Variants in LPA observed in about 807,000 individuals in gnomAD.
LPA encodes apolipoprotein(a).
LPA carries 199 observed loss-of-function variants against 197.9 expected under a neutral mutation model. That is an observed-to-expected ratio of 1.01 (90% CI 0.90 to 1.13). The LOEUF is 1.13. Among genes scored for constraint, LPA ranks in the 50% most tolerant of loss-of-function variants. The probability of loss-of-function intolerance (pLI) is 0.00; values close to 1 mark genes in which losing one functional copy is unlikely to be tolerated. For synonymous variants in LPA, 715 were observed against 639.5 expected, an observed-to-expected ratio of 1.12 and a Z score of -1.78; for missense variants, 1,853 against 1,785.8, an observed-to-expected ratio of 1.04 and a Z score of -0.68.
intron 28 of LPA, among the ~76,000 whole-genome samples, chr6:160,561,285 G>A (rs574874887): frequency 6.6e-6 from 1 of 152,150 alleles, no homozygotes; most frequent in Admixed American, 6.5e-5. Flanking sequence ...TTCTGCATAT[G>A]GCTAGCCAGT....
Position 160,586,771 on chromosome 6 carries a change from G to T in LPA, c.3948-141C>A, listed in dbSNP as rs1346961741. 4 of 1,128,762 alleles carry T rather than the reference G, an allele frequency of 3.5e-6. No individual in the cohort carries two copies. In the African/African-American group the frequency reaches 4.7e-5, roughly 13 times the overall value. 69.9% of individuals were successfully genotyped at this position (1,128,762 alleles called of 1,614,324 possible). ...CTAAAGTCCCATAACACTCACAAAT[G>T]GTCCTCAACTTCTAAACAACTGTCA... On this transcript the variant is annotated intron_variant, in intron 24 of 38. Transcript: ENST00000316300.
At chr6:160,654,240 G>A (rs940920500) in intron 1 of LPA, among the ~76,000 whole-genome samples, 21 of 146,402 alleles carry the variant, frequency 1.4e-4, no homozygotes, top group East Asian at 1.0e-3. Flanking sequence ...CTTGGAGTCC[G>A]ATGTTCAAGA....
chr6:160,609,528 T>A (rs1250871481), intron 16 of LPA, among the ~76,000 whole-genome samples: 1 of 152,136 alleles, frequency 6.6e-6, no homozygotes, highest in Non-Finnish European at 1.5e-5. Context: ...TGTAGTTTTT[T>A]TTCTCGAAAT....
At chr6:160,586,426 T>C in intron 25 of LPA, 23 bp downstream of exon 25, 1 of 1,612,424 alleles carries the variant, frequency 6.2e-7, no homozygotes, top group Non-Finnish European at 8.5e-7. Context: ...GAGGGTATGG[T>C]TGTCTGACTG....
intron 26 of LPA, among the ~76,000 whole-genome samples, chr6:160,579,117 TAA>T: frequency 6.6e-6 from 1 of 152,186 alleles, no homozygotes; most frequent in African/African-American, 2.4e-5. Context: ...TCTCTCTCTA[TAA>T]GACTATATAG....
Position 160,578,633 on chromosome 6 carries a change from C to A in LPA, c.4361G>T (p.Ser1454Ile), listed in dbSNP as rs1178488796. Residue 1454 changes from serine (S) to isoleucine (I), a missense_variant, in exon 27 of 39, where the codon AGT (serine) becomes ATT (isoleucine). Coordinates refer to ENST00000316300, the MANE Select transcript of LPA (RefSeq NM_005577.4). Reference protein sequence around the residue: ...IRPWCYTMDPSVRWEYCNLTR... With the variant: ...IRPWCYTMDPIVRWEYCNLTR... The stretch of plus-strand genomic sequence containing the variant: ...CAGGTTGCAGTACTCCCACCTGACA[C>A]TGGGATCCATGGTGTAACACCAAGG... 1 of 1,613,886 alleles carries A rather than the reference C, an allele frequency of 6.2e-7. No homozygotes were observed.
At chr6:160,647,261 A>T (rs951940918) in intron 2 of LPA, among the ~76,000 whole-genome samples, 1 of 152,190 alleles carries the variant, frequency 6.6e-6, no homozygotes, top group Admixed American at 6.5e-5. Context: ...GGAGGAGCAA[A>T]AAACAATGAA....
At chr6:160,647,634 G>T (rs1779922410) in intron 2 of LPA, among the ~76,000 whole-genome samples, 1 of 152,074 alleles carries the variant, frequency 6.6e-6, no homozygotes, top group Non-Finnish European at 1.5e-5. Flanking sequence ...AAAACTTTGT[G>T]ATTGCTCTAG....
chr6:160,583,609 T>C (rs1424623618), intron 26 of LPA, among the ~76,000 whole-genome samples: 1 of 152,174 alleles, frequency 6.6e-6, no homozygotes, highest in Non-Finnish European at 1.5e-5. Flanking sequence ...AGCTGTTCTT[T>C]GTTCTCCTTT....
chr6:160,567,399 G>T (rs148197223), intron 28 of LPA, among the ~76,000 whole-genome samples: 1 of 152,186 alleles, frequency 6.6e-6, no homozygotes, highest in Non-Finnish European at 1.5e-5. Context: ...TGACTACTGG[G>T]TATGTAACGA....
rs998662693 is a variant in LPA, at chr6:160,595,283, A to G, written c.3469+71T>C. Reference sequence around the variant, plus strand: ...TTGTGTGAGCATGGAAGGCTTCTATATCACTAAGATTTTGCAACTCTTTTC... The same window carrying G: ...TTGTGTGAGCATGGAAGGCTTCTATGTCACTAAGATTTTGCAACTCTTTTC... On this transcript the variant is annotated intron_variant, in intron 21 of 38. Coordinates refer to ENST00000316300, the MANE Select transcript of LPA (RefSeq NM_005577.4). 4 of 1,573,302 alleles carry G rather than the reference A, an allele frequency of 2.5e-6. No individual in the cohort carries two copies. The African/African-American group carries it at 4.0e-5, about 16-fold the overall frequency.
intron 26 of LPA, among the ~76,000 whole-genome samples, chr6:160,579,624 T>C (rs1263563753): frequency 6.6e-6 from 1 of 152,168 alleles, no homozygotes; most frequent in African/African-American, 2.4e-5. Flanking sequence ...TCTTGGAGAA[T>C]GCCTTCCCCA....
chr6:160,554,629 C>T (rs1453961328), intron 30 of LPA, among the ~76,000 whole-genome samples: 2 of 152,122 alleles, frequency 1.3e-5, no homozygotes, highest in African/African-American at 4.8e-5. Flanking sequence ...CCCAGTGCTA[C>T]GTGAGCTCTG....
chr6:160,595,399 G>A lies in LPA; in HGVS notation c.3424C>T (p.Leu1142Phe). 2 of 1,613,802 alleles carry A rather than the reference G, an allele frequency of 1.2e-6. No individual in the cohort carries two copies. The highest frequency in any genetic ancestry group is 1.7e-6 in the Non-Finnish European group (2 of 1,179,924). Residue 1142 changes from leucine to phenylalanine, a missense_variant, in exon 21 of 39, where the codon CTC (leucine) becomes TTC (phenylalanine). Leu to Phe is a conservative substitution (Grantham distance 22). Coordinates refer to ENST00000316300, the MANE Select transcript of LPA (RefSeq NM_005577.4). ...GTGCTTGGATCTGGGACCACCGTGA[G>A]AGTTGCAAGGACACTTGATTCTGTC... ...LVTESSVLAT[L>F]TVVPDPSTEA...
At position 160,541,652 on chromosome 6, in the gene LPA, G is replaced by A. The variant is rs1246791400; in HGVS notation, c.5520-471C>T. 3.3e-5 allele frequency among the ~76,000 whole-genome samples: 5 copies of A among 152,172 alleles called. No individual in the cohort carries two copies. The East Asian group carries it at 5.8e-4, about 18-fold the overall frequency. On this transcript the variant is annotated intron_variant, in intron 34 of 38. Transcript: ENST00000316300. Reference sequence around the variant, plus strand: ...CTTACCTGAAAAGTTTACTTTTGGGGGATGTTTCTTGACTCACTTACTTTC... The same window carrying A: ...CTTACCTGAAAAGTTTACTTTTGGGAGATGTTTCTTGACTCACTTACTTTC...
rs1346285254 is a variant in LPA, at chr6:160,579,104, G to GTC, written c.4290-402_4290-401dup. On this transcript the variant is annotated intron_variant, in intron 26 of 38. Transcript: ENST00000316300. ...GATATCTCTGTCTGTCTAGCTCTTT[G>GTC]TCTCTCTCTCTATAAGACTATATAG... 5.9e-5 allele frequency among the ~76,000 whole-genome samples: 9 copies of GTC among 151,762 alleles called. No homozygotes were observed. In the South Asian group the frequency reaches 6.3e-4, roughly 11 times the overall value.
chr6:160,600,668 T>C (rs1160930718), intron 19 of LPA, among the ~76,000 whole-genome samples: 3 of 152,118 alleles, frequency 2.0e-5, no homozygotes, highest in Non-Finnish European at 4.4e-5. Context: ...CCTTTTACAA[T>C]GAGGGGAGTG....
intron 28 of LPA, among the ~76,000 whole-genome samples, chr6:160,562,265 T>C (rs1315369833): frequency 6.6e-6 from 1 of 152,052 alleles, no homozygotes; most frequent in East Asian, 1.9e-4. Context: ...TTATTAAGAG[T>C]TTTTAGCATG....
At chr6:160,542,588 G>A in intron 34 of LPA, 100 bp downstream of exon 34, 1 of 1,553,212 alleles carries the variant, frequency 6.4e-7, no homozygotes, top group East Asian at 2.3e-5. Context: ...AGAGAGGCAG[G>A]TATTGATGCA....
Sources: gnomAD v4.1 joint callset for allele counts (sites outside exome capture counted in the v4.1 genomes callset) on GRCh38, gnomAD v4.1.1 for gene constraint, MANE v1.5 for transcripts, NCBI Gene and HGNC (gene_info 2026-07-23, HGNC 2026-07-21) for gene names.